Variants in HYAL1 observed in about 807,000 individuals in gnomAD.
HYAL1 encodes hyaluronidase 1, also known as hyaluronidase-1.
Under a neutral mutation model 28.8 loss-of-function variants are expected in HYAL1, and 21 were observed. The observed-to-expected ratio is 0.73, with a 90% confidence interval of 0.52 to 1.05. HYAL1 has a LOEUF of 1.05. Among genes scored for constraint, HYAL1 ranks in the 50% least tolerant of loss-of-function variants. The pLI is 0.00. For synonymous variants in HYAL1, 200 were observed against 230.1 expected (o/e 0.87, Z 1.18); for missense variants, 491 against 579.2 (o/e 0.85, Z 1.56).
At position 50,300,620 on chromosome 3, in the gene HYAL1, G is replaced by A. The variant is rs782567426; in HGVS notation, c.1171C>T (p.Leu391Phe). 4 of 1,614,204 alleles carry A rather than the reference G, an allele frequency of 2.5e-6. No homozygotes were observed. Among genetic ancestry groups the A allele is most frequent in the South Asian group, 2.2e-5 (2 of 91,090 alleles). The change falls in exon 4 of 4, where the codon CTC (leucine) becomes TTC (phenylalanine). Residue 391 changes from leucine (L) to phenylalanine (F), a missense_variant. Coordinates refer to ENST00000395144, the MANE Select transcript of HYAL1 (RefSeq NM_033159.4). Reference protein sequence around the residue: ...LLNPASFSIQLTPGGGPLSLR... With the variant: ...LLNPASFSIQFTPGGGPLSLR... Reference sequence around the variant, plus strand: ...CTCAGGGGCCCACCACCAGGCGTGAGCTGGATGGAGAAACTGGCAGGGTTA... The same window carrying A: ...CTCAGGGGCCCACCACCAGGCGTGAACTGGATGGAGAAACTGGCAGGGTTA...
chr3:50,300,881 G>T, intron 3 of HYAL1, 81 bp from the exon 4 acceptor site: 6 of 1,538,654 alleles, frequency 3.9e-6, no homozygotes, highest in Non-Finnish European at 4.5e-6. Flanking sequence ...CTCACCTGCT[G>T]GTCAGCCAGG....
At chr3:50,303,111 G>A in intron 1 of HYAL1, 131 bp from the exon 2 acceptor site, 1 of 714,290 alleles carries the variant, frequency 1.4e-6, no homozygotes, top group Non-Finnish European at 2.2e-6. Context: ...TGACCTGCAG[G>A]GCTCCAGGAG....
intron 2 of HYAL1, 38 bp from the exon 3 acceptor site, chr3:50,301,115 C>G: frequency 1.5e-6 from 2 of 1,359,936 alleles, no homozygotes; most frequent in South Asian, 1.2e-5. Context: ...GGGCCTCCTT[C>G]CCACCATGTG....
chr3:50,301,639 G>A (rs1471602711), intron 2 of HYAL1, among the ~76,000 whole-genome samples: 6 of 142,034 alleles, frequency 4.2e-5, no homozygotes, highest in African/African-American at 7.9e-5. Flanking sequence ...AAAAAAGGAT[G>A]AATGAATGGA....
Position 50,302,018 on chromosome 3 carries a change from A to C in HYAL1, c.900+39T>G. ...CCAAGGCTGGACCTAATATCTGACA[A>C]GGCAGGTTGACAAGGTGGGCAGGTT... On this transcript the variant is annotated intron_variant, in intron 2 of 3. Coordinates refer to ENST00000395144, the MANE Select transcript of HYAL1 (RefSeq NM_033159.4). This position sits in a 1 kb window ranked among gnomAD's most constrained non-coding sequence, Gnocchi z 5.0. 2 of 1,606,388 alleles carry C rather than the reference A, an allele frequency of 1.2e-6. No individual in the cohort carries two copies. The highest frequency in any genetic ancestry group is 1.7e-6 in the Non-Finnish European group (2 of 1,172,966).
At position 50,301,042 on chromosome 3, in the gene HYAL1, G is replaced by A. The variant is rs375213606; in HGVS notation, c.936C>T (p.Ala312=). ...ELEHSLGESA[A]QGAAGVVLWV... Reference sequence around the variant, plus strand: ...AGAGCACCACTCCAGCTGCCCCCTGGGCCGCACTCTCCCCCAGGCTGTGCT... The same window carrying A: ...AGAGCACCACTCCAGCTGCCCCCTGAGCCGCACTCTCCCCCAGGCTGTGCT... Residue 312 remains alanine (A), a synonymous_variant, in exon 3 of 4, where the codon GCC becomes GCT. Transcript: ENST00000395144. The A allele has an allele frequency of 8.8e-5, 141 of 1,607,176 alleles. 1 individual carries two copies. In the Middle Eastern group the frequency reaches 1.3e-3, roughly 15 times the overall value.
Position 50,302,696 on chromosome 3 carries a change from G to A in HYAL1, c.261C>T (p.Pro87=), listed in dbSNP as rs942837278. The change falls in exon 2 of 4, where the codon CCC becomes CCT. Residue 87 remains proline, a synonymous_variant. Coordinates refer to ENST00000395144, the MANE Select transcript of HYAL1 (RefSeq NM_033159.4). The surrounding 1 kb of genome is among the most constrained non-coding windows in gnomAD (Gnocchi z 5.0). ...GACCACCAAACACAGGCTCCCCAGT[G>A]GGCGTGTAGTAGGGGTAGGTGCCCA... is the stretch of plus-strand genomic sequence containing the variant. The part of the protein sequence containing the change: ...SQLGTYPYYT[P]TGEPVFGGLP... 2.5e-6 allele frequency: 4 copies of A among 1,614,098 alleles called. No homozygotes were observed. The highest frequency in any genetic ancestry group is 3.4e-6 in the Non-Finnish European group (4 of 1,180,038).
Position 50,300,017 on chromosome 3 carries a change from T to A in HYAL1, c.*466A>T. ...TACCCCCGGAGCTAGACAGCCTGGGTTTGAATCTCAACTTCTCCCTTTTCT... is the reference window on the plus strand; with the variant it reads ...TACCCCCGGAGCTAGACAGCCTGGGATTGAATCTCAACTTCTCCCTTTTCT... On this transcript the variant is annotated 3_prime_UTR_variant, in exon 4 of 4. Coordinates refer to ENST00000395144, the MANE Select transcript of HYAL1 (RefSeq NM_033159.4). 1 of 237,966 alleles carries A rather than the reference T, an allele frequency of 4.2e-6. No individual in the cohort carries two copies. The highest frequency in any genetic ancestry group is 8.5e-6 in the Non-Finnish European group (1 of 118,166). The allele number at this position is 237,966 out of a possible 1,614,324, so 14.7% of individuals were successfully genotyped here. A position where few individuals can be genotyped will look rare whatever the true frequency, so the allele number is the denominator to read the frequency against.
In HYAL1 at chr3:50,302,332, T is replaced by G; in HGVS notation, c.625A>C (p.Asn209His). The change falls in exon 2 of 4, where the codon AAC becomes CAC. Residue 209 changes from asparagine to histidine, a missense_variant. Physicochemically the swap from Asn to His is moderately conservative, Grantham distance 68. Coordinates refer to ENST00000395144, the MANE Select transcript of HYAL1 (RefSeq NM_033159.4). The surrounding 1 kb of genome is among the most constrained non-coding windows in gnomAD (Gnocchi z 5.0). ...WGFYGFPDCY[N>H]YDFLSPNYTG... The stretch of plus-strand genomic sequence containing the variant: ...TAGTTGGGGCTTAGAAAGTCATAGT[T>G]GTAGCAGTCAGGGAAGCCATAGAAG... 6.2e-7 allele frequency: 1 copy of G among 1,613,486 alleles called. No homozygotes were observed. Among genetic ancestry groups the G allele is most frequent in the Non-Finnish European group, 8.5e-7 (1 of 1,179,990 alleles).
upstream of HYAL1, among the ~76,000 whole-genome samples, chr3:50,304,592 T>C (rs1702299185): frequency 6.6e-6 from 1 of 151,814 alleles, no homozygotes. Context: ...ATATTCTTCT[T>C]CTGATTAAAA....
upstream of HYAL1, among the ~76,000 whole-genome samples, chr3:50,307,627 G>A (rs1702357908): frequency 1.5e-5 from 2 of 131,992 alleles, no homozygotes; most frequent in Admixed American, 1.5e-4. Flanking sequence ...CTTGCAGTGA[G>A]CGGAGATCAT....
At chr3:50,308,612 T>C (rs1221001203) in intron 2 of HYAL1, among the ~76,000 whole-genome samples, 7 of 150,730 alleles carry the variant, frequency 4.6e-5, no homozygotes, top group African/African-American at 1.7e-4. Flanking sequence ...CGCGCCCGGC[T>C]AATTTTTTGT....
upstream of HYAL1, among the ~76,000 whole-genome samples, chr3:50,308,016 T>G (rs1240635093): frequency 6.6e-6 from 1 of 151,124 alleles, no homozygotes; most frequent in Non-Finnish European, 1.5e-5. Context: ...AGGATGGTCT[T>G]GATCTCCTGA....
At chr3:50,301,643 G>A (rs1702164703) in intron 2 of HYAL1, among the ~76,000 whole-genome samples, 1 of 137,542 alleles carries the variant, frequency 7.3e-6, no homozygotes, top group African/African-American at 2.8e-5. Context: ...AAGGATGAAT[G>A]AATGGATGAA....
chr3:50,305,252 T>C (rs1353551559), upstream of HYAL1, among the ~76,000 whole-genome samples: 2 of 152,178 alleles, frequency 1.3e-5, no homozygotes, highest in Non-Finnish European at 2.9e-5. Context: ...TTTTTTTATT[T>C]TTATTTTTTG....
Position 50,302,608 on chromosome 3 carries a change from T to C in HYAL1, c.349A>G (p.Ile117Val), listed in dbSNP as rs1702215834. The change falls in exon 2 of 4, where the codon ATA becomes GTA. Residue 117 changes from isoleucine (I) to valine (V), a missense_variant. Physicochemically the swap from Ile to Val is conservative, Grantham distance 29. Transcript: ENST00000395144. The surrounding 1 kb of genome is among the most constrained non-coding windows in gnomAD (Gnocchi z 5.0). ...AGCCCTGAGAAGTCAGGAGCAGGTA[T>C]GGCAGCCAGGATGTCCTGGAATGTG... ...ARTFQDILAA[I>V]PAPDFSGLAV... 4 of 1,614,166 alleles carry C rather than the reference T, an allele frequency of 2.5e-6. No individual in the cohort carries two copies. The South Asian group carries it at 4.4e-5, about 18-fold the overall frequency.
chr3:50,303,001 T>C, intron 1 of HYAL1, 21 bp from the exon 2 acceptor site: 1 of 1,517,142 alleles, frequency 6.6e-7, no homozygotes, highest in East Asian at 2.3e-5. Context: ...GAGGCAGAGC[T>C]GAGAACAGGT....
chr3:50,306,581 A>G (rs749416893), upstream of HYAL1, among the ~76,000 whole-genome samples: 19 of 151,262 alleles, frequency 1.3e-4, no homozygotes, highest in Non-Finnish European at 2.4e-4. Context: ...GAAATATGGT[A>G]ATAAGATTAA....
chr3:50,310,355 T>C (rs1382028784), intron 1 of HYAL1, among the ~76,000 whole-genome samples: 4 of 144,126 alleles, frequency 2.8e-5, no homozygotes, highest in Admixed American at 1.5e-4. Context: ...CCTCCGCCTC[T>C]CAGGTTCACG....
Sources: gnomAD v4.1 joint callset for allele counts (sites outside exome capture counted in the v4.1 genomes callset) on GRCh38, gnomAD v4.1.1 for gene constraint, Gnocchi (gnomAD v3.1) non-coding constraint, MANE v1.5 for transcripts, NCBI Gene and HGNC (gene_info 2026-07-23, HGNC 2026-07-21) for gene names.